KCNG3: variants seen among roughly 807,000 people sequenced by gnomAD.
KCNG3 encodes the protein voltage-gated potassium channel regulatory subunit KCNG3.
A neutral mutation model predicts 29.0 loss-of-function variants in KCNG3; 15 were observed. That is an observed-to-expected ratio of 0.52 (90% CI 0.35 to 0.80). KCNG3 has a LOEUF of 0.80. KCNG3 is among the 30% of genes least tolerant of loss of function. KCNG3 has a pLI of 0.01. For synonymous variants in KCNG3, 322 were observed against 248.9 expected, an observed-to-expected ratio of 1.29 and a Z score of -2.76; for missense variants, 512 against 605.7, an observed-to-expected ratio of 0.85 and a Z score of 1.62.
intron 1 of KCNG3, among the ~76,000 whole-genome samples, chr2:42,448,778 A>T (rs933835941): frequency 7.2e-5 from 11 of 152,226 alleles, no homozygotes; most frequent in African/African-American, 2.6e-4. Flanking sequence ...TCATGAGGTC[A>T]AGAGATCGAG....
At chr2:42,425,235 T>TA in the KCNG3 span, 19,652 of 129,986 alleles carry the variant, frequency 0.15, 1,469 homozygotes, top group South Asian at 0.27. Context: ...CCGACTCTAC[T>TA]AAAAAAAAAA....
chr2:42,409,732 T>TAAAAAAAAAA, the KCNG3 span, among the ~76,000 whole-genome samples: 2 of 126,206 alleles, frequency 1.6e-5, no homozygotes, highest in African/African-American at 5.9e-5. Context: ...AAAAAAAATT[T>TAAAAAAAAAA]TTTTTTAAAT....
chr2:42,427,641 C>T, the KCNG3 span, among the ~76,000 whole-genome samples: 1 of 151,682 alleles, frequency 6.6e-6, no homozygotes, highest in South Asian at 2.1e-4. Flanking sequence ...TAAAACTGAA[C>T]TATCATTGTA....
At chr2:42,434,679 A>AG in the KCNG3 span, among the ~76,000 whole-genome samples, 1 of 148,330 alleles carries the variant, frequency 6.7e-6, no homozygotes. Flanking sequence ...AAAAAAAAAA[A>AG]AAAAAAAAAA....
chr2:42,447,287 CAGAT>C (rs1672624574), intron 1 of KCNG3, among the ~76,000 whole-genome samples: 1 of 150,458 alleles, frequency 6.6e-6, no homozygotes, highest in South Asian at 2.2e-4. Flanking sequence ...TATATACATA[CAGAT>C]ACATACATAC....
chr2:42,489,903 A>G (rs558938598), intron 1 of KCNG3, among the ~76,000 whole-genome samples: 3 of 152,234 alleles, frequency 2.0e-5, no homozygotes, highest in Admixed American at 2.0e-4. Flanking sequence ...CACCACCACA[A>G]AGCCATCCAA....
intron 1 of KCNG3, among the ~76,000 whole-genome samples, chr2:42,489,084 CA>C (rs1486748234): frequency 1.3e-5 from 2 of 151,424 alleles, no homozygotes; most frequent in East Asian, 4.0e-4. Context: ...TGCTTGAAGC[CA>C]GGAGTTCACA....
chr2:42,456,471 C>T (rs140535955), intron 1 of KCNG3, among the ~76,000 whole-genome samples: 2 of 152,156 alleles, frequency 1.3e-5, no homozygotes, highest in African/African-American at 4.8e-5. Flanking sequence ...GGGCCATGAT[C>T]GCACCATATA....
the KCNG3 span, among the ~76,000 whole-genome samples, chr2:42,418,942 G>C: frequency 5.3e-5 from 8 of 152,046 alleles, 1 homozygote; most frequent in African/African-American, 1.9e-4. Context: ...GGCTCATAGT[G>C]ATTAATGATT....
the KCNG3 span, among the ~76,000 whole-genome samples, chr2:42,434,666 CAAAAAAAAAAAAAAAAA>C: frequency 1.5e-5 from 1 of 64,696 alleles, no homozygotes; most frequent in East Asian, 4.5e-4. Context: ...AACTCCATCT[CAAAAAAAAAAAAAAAAA>C]AAAAAAAAAG....
At chr2:42,464,741 C>G (rs538265178) in intron 1 of KCNG3, among the ~76,000 whole-genome samples, 116 of 152,246 alleles carry the variant, frequency 7.6e-4, no homozygotes, top group Middle Eastern at 6.8e-3. Context: ...GGATCACCAC[C>G]CCAGGGAATC....
At chr2:42,456,310 C>T (rs1004310555) in intron 1 of KCNG3, among the ~76,000 whole-genome samples, 2 of 152,038 alleles carry the variant, frequency 1.3e-5, no homozygotes, top group Non-Finnish European at 2.9e-5. Context: ...TTACTTGAGT[C>T]ATCTTCTTAG....
chr2:42,410,617 G>C, the KCNG3 span, among the ~76,000 whole-genome samples: 1 of 152,074 alleles, frequency 6.6e-6, no homozygotes, highest in Admixed American at 6.5e-5. Context: ...ATGTAAAACT[G>C]TTCATATGCT....
intron 1 of KCNG3, among the ~76,000 whole-genome samples, chr2:42,478,882 C>T (rs574108522): frequency 1.6e-4 from 24 of 151,956 alleles, no homozygotes; most frequent in Non-Finnish European, 2.6e-4. Flanking sequence ...ATTACTAAAA[C>T]AGCTGTCCCT....
At chr2:42,388,851 C>T in the KCNG3 span, among the ~76,000 whole-genome samples, 2 of 152,096 alleles carry the variant, frequency 1.3e-5, no homozygotes, top group Non-Finnish European at 2.9e-5. Context: ...TATCTTGTCT[C>T]CTTCTTCTAA....
At chr2:42,422,102 G>C in the KCNG3 span, among the ~76,000 whole-genome samples, 1 of 152,180 alleles carries the variant, frequency 6.6e-6, no homozygotes, top group East Asian at 1.9e-4. Flanking sequence ...ATGTTTATGA[G>C]GGTGTGGTAA....
At chr2:42,425,683 T>G in the KCNG3 span, among the ~76,000 whole-genome samples, 1 of 152,046 alleles carries the variant, frequency 6.6e-6, no homozygotes, top group Admixed American at 6.5e-5. Flanking sequence ...ACCTGGAAAC[T>G]TGCCTCGTGT....
chr2:42,439,715 C>T (rs1051910557), downstream of KCNG3, among the ~76,000 whole-genome samples: 1 of 151,316 alleles, frequency 6.6e-6, no homozygotes, highest in Admixed American at 6.6e-5. Context: ...GGCGCGATCT[C>T]GGCTCACTGC....
the KCNG3 span, among the ~76,000 whole-genome samples, chr2:42,435,799 T>C: frequency 6.6e-6 from 1 of 152,150 alleles, no homozygotes; most frequent in Non-Finnish European, 1.5e-5. Context: ...CTGGTGGGAA[T>C]CAAATTGCTC....
Sources: allele counts gnomAD v4.1 joint callset (sites outside exome capture counted in the v4.1 genomes callset), GRCh38; gene constraint gnomAD v4.1.1; transcripts MANE v1.5; gene names NCBI Gene and HGNC (gene_info 2026-07-23, HGNC 2026-07-21).